LMNTD1: variants seen among roughly 807,000 people sequenced by gnomAD.
LMNTD1 encodes lamin tail domain-containing protein 1.
In LMNTD1, 35 loss-of-function variants were observed where a neutral mutation model predicts 50.9. The ratio of observed to expected loss-of-function variants is 0.69; its 90% CI spans 0.53 to 0.91. The LOEUF is 0.91. Among genes scored for constraint, LMNTD1 ranks in the 40% least tolerant of loss-of-function variants. LMNTD1 has a pLI of 0.00. For missense variants in LMNTD1, 470 were observed against 475.5 expected (o/e 0.99, Z 0.11); for synonymous variants, 153 against 161.9 (o/e 0.94, Z 0.42).
intron 1 of LMNTD1, among the ~76,000 whole-genome samples, chr12:25,584,009 G>A (rs1047219547): frequency 2.6e-5 from 4 of 152,160 alleles, no homozygotes; most frequent in Admixed American, 6.5e-5. Flanking sequence ...GAGAGCCTAT[G>A]GCACCAACCT....
At chr12:25,617,077 G>T (rs1354885671) in intron 1 of LMNTD1, among the ~76,000 whole-genome samples, 1 of 152,164 alleles carries the variant, frequency 6.6e-6, no homozygotes, top group Non-Finnish European at 1.5e-5. Flanking sequence ...GGAGGAAATG[G>T]AGACTCAGAG....
intron 1 of LMNTD1, among the ~76,000 whole-genome samples, chr12:25,559,817 C>T (rs530838123): frequency 4.8e-4 from 73 of 152,286 alleles, no homozygotes; most frequent in African/African-American, 1.6e-3. Flanking sequence ...CATTTTTTCA[C>T]GTGTCTGTTC....
At chr12:25,493,936 G>A (rs1038187086) in intron 9 of LMNTD1, among the ~76,000 whole-genome samples, 2 of 152,140 alleles carry the variant, frequency 1.3e-5, no homozygotes, top group Non-Finnish European at 2.9e-5. Flanking sequence ...CAGGTGTGAG[G>A]AAGCCCCAGC....
At position 25,585,580 on chromosome 12, in the gene LMNTD1, A is replaced by G. The variant is rs77115070; in HGVS notation, c.59-39026T>C. Among the ~76,000 whole-genome samples, 986 of 152,336 alleles carry G rather than the reference A, an allele frequency of 6.5e-3. 18 individuals are homozygous for G. Among genetic ancestry groups the G allele is most frequent in the East Asian group, 0.063 (329 of 5,182 alleles). ...CCCCCCAGGTAAAATCTTTTAAAGT[A>G]ATTTTGAAATGCAATTGGCAAAACC... On this transcript the variant is annotated intron_variant, in intron 1 of 7. Coordinates refer to the LMNTD1 transcript ENST00000445693.
intron 9 of LMNTD1, among the ~76,000 whole-genome samples, chr12:25,503,389 T>C (rs1939495946): frequency 6.6e-6 from 1 of 152,214 alleles, no homozygotes; most frequent in Non-Finnish European, 1.5e-5. Flanking sequence ...CTCTTGCTCA[T>C]AGGAATTAAA....
chr12:25,612,352 T>C (rs566941008), intron 1 of LMNTD1, among the ~76,000 whole-genome samples: 72 of 147,960 alleles, frequency 4.9e-4, no homozygotes, highest in African/African-American at 1.8e-3. Flanking sequence ...TCAACAACAC[T>C]GAACCACTAC....
At chr12:25,628,276 C>T (rs28362031) in intron 1 of LMNTD1, among the ~76,000 whole-genome samples, 2,210 of 151,342 alleles carry the variant, frequency 0.015, 65 homozygotes, top group African/African-American at 0.051. Context: ...ATTTATGTTT[C>T]GGAATAGAAT....
chr12:25,506,539 G>A (rs1939797552), intron 8 of LMNTD1, among the ~76,000 whole-genome samples: 1 of 151,828 alleles, frequency 6.6e-6, no homozygotes, highest in Non-Finnish European at 1.5e-5. Context: ...CAAAATTGTC[G>A]ATAATCTACA....
At chr12:25,584,685 CAACT>C (rs1159884172) in intron 1 of LMNTD1, among the ~76,000 whole-genome samples, 4 of 152,188 alleles carry the variant, frequency 2.6e-5, no homozygotes, top group African/African-American at 9.7e-5. Flanking sequence ...TTTTAAAATA[CAACT>C]AACAGGGTTA....
intron 1 of LMNTD1, among the ~76,000 whole-genome samples, chr12:25,569,202 G>GGAC (rs1944682051): frequency 6.6e-6 from 1 of 151,906 alleles, no homozygotes; most frequent in Non-Finnish European, 1.5e-5. Flanking sequence ...ATTATACAGT[G>GGAC]TGCCCTGGAT....
At chr12:25,612,614 C>T (rs1451204249) in intron 1 of LMNTD1, among the ~76,000 whole-genome samples, 4 of 151,962 alleles carry the variant, frequency 2.6e-5, no homozygotes, top group African/African-American at 9.7e-5. Flanking sequence ...TAGCATGGTG[C>T]CTGAATCCCT....
chr12:25,491,191 A>G (rs1225149995), intron 9 of LMNTD1, among the ~76,000 whole-genome samples: 1 of 152,218 alleles, frequency 6.6e-6, no homozygotes, highest in Non-Finnish European at 1.5e-5. Context: ...ATAATTACCA[A>G]AGGAAACTTA....
intron 9 of LMNTD1, 130 bp downstream of exon 9, chr12:25,503,608 C>A: frequency 1.7e-6 from 1 of 576,736 alleles, no homozygotes; most frequent in Non-Finnish European, 3.1e-6. Context: ...AAATATTTAA[C>A]AGAAAATTAG....
chr12:25,534,362 A>G (rs1942429283), intron 4 of LMNTD1, among the ~76,000 whole-genome samples: 1 of 152,228 alleles, frequency 6.6e-6, no homozygotes, highest in African/African-American at 2.4e-5. Context: ...GATATTTGAT[A>G]CTTGTCAACA....
At chr12:25,641,777 C>G (rs1434296945) in intron 1 of LMNTD1, among the ~76,000 whole-genome samples, 1 of 152,026 alleles carries the variant, frequency 6.6e-6, no homozygotes, top group Non-Finnish European at 1.5e-5. Context: ...AAGAGATGCA[C>G]AATTTGGAAA....
rs1359240089 is a variant in LMNTD1, at chr12:25,518,960, CCTT to C, written c.1021_1023del (p.Lys341del). The stretch of plus-strand genomic sequence containing the variant: ...TTAGGGAAAACGGTTGGTGGGATTT[CCTT>C]CTCTCTGTAAAAGAAAAAAGCCTAA... On this transcript the variant is annotated inframe_deletion, in exon 8 of 10. Transcript: ENST00000458174. 1 of 1,613,918 alleles carries C rather than the reference CCTT, an allele frequency of 6.2e-7. No homozygotes were observed. Among genetic ancestry groups the C allele is most frequent in the South Asian group, 1.1e-5 (1 of 91,056 alleles).
chr12:25,632,569 T>C (rs1475113613), intron 1 of LMNTD1, among the ~76,000 whole-genome samples: 1 of 152,176 alleles, frequency 6.6e-6, no homozygotes, highest in Non-Finnish European at 1.5e-5. Flanking sequence ...GAAGGAAAGA[T>C]ACAGTCTTTT....
intron 3 of LMNTD1, among the ~76,000 whole-genome samples, chr12:25,548,708 G>A (rs900860160): frequency 2.0e-5 from 3 of 151,894 alleles, no homozygotes; most frequent in African/African-American, 7.2e-5. Flanking sequence ...CACCCTCAAA[G>A]TTCCCTAAAC....
At chr12:25,527,751 T>C (rs1207452146) in intron 4 of LMNTD1, among the ~76,000 whole-genome samples, 3 of 145,066 alleles carry the variant, frequency 2.1e-5, no homozygotes, top group Non-Finnish European at 4.5e-5. Context: ...TATATATGTA[T>C]ATCTATGTCT....
Sources: allele counts gnomAD v4.1 joint callset (sites outside exome capture counted in the v4.1 genomes callset), GRCh38; gene constraint gnomAD v4.1.1; transcripts MANE v1.5; gene names NCBI Gene and HGNC (gene_info 2026-07-23, HGNC 2026-07-21).